Variants in IL1RL2 observed in about 807,000 individuals in gnomAD.
IL1RL2 encodes the protein interleukin-1 receptor-like 2.
A neutral mutation model predicts 66.8 loss-of-function variants in IL1RL2; 68 were observed. That is an observed-to-expected ratio of 1.02 (90% CI 0.84 to 1.25). The LOEUF (loss-of-function observed/expected upper bound fraction) is 1.25, where lower values mean the gene tolerates loss of function less well. IL1RL2 is among the 50% of genes most tolerant of loss of function. IL1RL2 has a pLI of 0.00. For missense variants in IL1RL2, 729 were observed against 709.3 expected (o/e 1.03, Z -0.32); for synonymous variants, 305 against 264.6 (o/e 1.15, Z -1.48).
intron 11 of IL1RL2, 25 bp downstream of exon 11, chr2:102,235,302 T>C (rs764480656): frequency 2.4e-5 from 38 of 1,603,092 alleles, no homozygotes; most frequent in Non-Finnish European, 3.1e-5. Context: ...GGACACGAGG[T>C]TTGTCACGCA....
At chr2:102,205,333 CTTA>C in intron 5 of IL1RL2, among the ~76,000 whole-genome samples, 1 of 152,226 alleles carries the variant, frequency 6.6e-6, no homozygotes, top group South Asian at 2.1e-4. Context: ...TTTCTGTGTA[CTTA>C]TTATAACCAG....
At chr2:102,223,539 A>T (rs1407599506) in intron 8 of IL1RL2, among the ~76,000 whole-genome samples, 1 of 152,166 alleles carries the variant, frequency 6.6e-6, no homozygotes, top group Non-Finnish European at 1.5e-5. Flanking sequence ...CAAAACCCTG[A>T]GTCCCTCTGA....
At chr2:102,220,077 A>T in intron 8 of IL1RL2, 60 bp downstream of exon 8, 9 of 1,462,800 alleles carry the variant, frequency 6.2e-6, no homozygotes, top group Non-Finnish European at 8.4e-6. Flanking sequence ...CAGGAAACAC[A>T]TCTGAAGGAG....
intron 4 of IL1RL2, 93 bp downstream of exon 4, chr2:102,192,213 G>C: frequency 1.2e-6 from 1 of 825,020 alleles, no homozygotes; most frequent in Non-Finnish European, 1.9e-6. Flanking sequence ...AGGCAGAATT[G>C]GTAAAGAAAG....
At chr2:102,224,934 C>T (rs1282826857) in intron 8 of IL1RL2, among the ~76,000 whole-genome samples, 1 of 152,206 alleles carries the variant, frequency 6.6e-6, no homozygotes, top group Non-Finnish European at 1.5e-5. Context: ...CTCCCCTCCT[C>T]TGCCCACCCC....
chr2:102,239,110 G>A (rs539477414), intron 11 of IL1RL2, 82 bp from the exon 12 acceptor site: 24 of 1,265,600 alleles, frequency 1.9e-5, no homozygotes, highest in Middle Eastern at 3.7e-4. Context: ...GGAGGTTTTC[G>A]CATTCCCATG....
chr2:102,220,309 C>T (rs35100598), intron 8 of IL1RL2, among the ~76,000 whole-genome samples: 2,227 of 152,158 alleles, frequency 0.015, 65 homozygotes, highest in African/African-American at 0.05. Flanking sequence ...AGCGTGATTG[C>T]CAAATGTTTT....
intron 6 of IL1RL2, among the ~76,000 whole-genome samples, chr2:102,215,252 G>A (rs1689506185): frequency 1.3e-5 from 2 of 152,138 alleles, no homozygotes; most frequent in African/African-American, 4.8e-5. Flanking sequence ...TATGACCCAT[G>A]CTGCTACATC....
At chr2:102,195,287 T>C (rs2104726987) in intron 4 of IL1RL2, among the ~76,000 whole-genome samples, 1 of 152,340 alleles carries the variant, frequency 6.6e-6, no homozygotes, top group East Asian at 1.9e-4. Context: ...TGATTAGTAC[T>C]TTCTGTGACT....
intron 4 of IL1RL2, among the ~76,000 whole-genome samples, chr2:102,201,156 C>T (rs1391296122): frequency 6.6e-6 from 1 of 152,060 alleles, no homozygotes; most frequent in Non-Finnish European, 1.5e-5. Context: ...TGTTCATGTC[C>T]TCCTGCAAAA....
At chr2:102,208,196 A>G (rs1277812859) in intron 5 of IL1RL2, among the ~76,000 whole-genome samples, 1 of 152,170 alleles carries the variant, frequency 6.6e-6, no homozygotes. Flanking sequence ...ACCAGATACT[A>G]TGAGTGATTT....
intron 5 of IL1RL2, among the ~76,000 whole-genome samples, chr2:102,208,440 T>A (rs990313578): frequency 6.6e-6 from 1 of 152,264 alleles, no homozygotes; most frequent in African/African-American, 2.4e-5. Context: ...CATTGGTTTT[T>A]CCAAACACAC....
intron 9 of IL1RL2, among the ~76,000 whole-genome samples, chr2:102,230,334 G>A (rs1301263658): frequency 6.6e-6 from 1 of 152,198 alleles, no homozygotes; most frequent in Non-Finnish European, 1.5e-5. Context: ...ACACAGAAAA[G>A]TATCCACTTA....
rs34468410 is a variant in IL1RL2, at chr2:102,202,277, C to T, written c.649+562C>T. On this transcript the variant is annotated intron_variant, in intron 5 of 11. Coordinates refer to ENST00000264257, the MANE Select transcript of IL1RL2 (RefSeq NM_003854.4). ...AGAAGAAACCCTAAAAGTAAATTAG[C>T]TCAAGCCACTAATTTAATTTAATTT... Among the ~76,000 whole-genome samples, 406 of 152,022 alleles carry T rather than the reference C, an allele frequency of 2.7e-3. 1 individual carries two copies. The highest frequency in any genetic ancestry group is 9.1e-3 in the African/African-American group (377 of 41,466).
chr2:102,192,355 T>C (rs947894149), intron 4 of IL1RL2, among the ~76,000 whole-genome samples: 4 of 152,204 alleles, frequency 2.6e-5, no homozygotes, highest in African/African-American at 9.6e-5. Context: ...CTTCCTCCAG[T>C]TATTCTTATT....
chr2:102,217,681 A>C (rs1303515176), intron 6 of IL1RL2, among the ~76,000 whole-genome samples: 2 of 152,208 alleles, frequency 1.3e-5, no homozygotes, highest in African/African-American at 4.8e-5. Context: ...CACATTAAAC[A>C]AGTAACAGTC....
At chr2:102,216,472 T>C (rs187611523) in intron 6 of IL1RL2, among the ~76,000 whole-genome samples, 13 of 152,308 alleles carry the variant, frequency 8.5e-5, no homozygotes, top group African/African-American at 2.4e-4. Flanking sequence ...AGTGAGTAAG[T>C]GAGTCTCTTT....
chr2:102,216,411 C>A (rs568544879), intron 6 of IL1RL2, among the ~76,000 whole-genome samples: 2 of 152,148 alleles, frequency 1.3e-5, no homozygotes, highest in Admixed American at 6.5e-5. Flanking sequence ...ATCTTTTTTT[C>A]ATCTCTTCAC....
At chr2:102,221,760 G>A (rs1195403570) in intron 8 of IL1RL2, among the ~76,000 whole-genome samples, 2 of 152,172 alleles carry the variant, frequency 1.3e-5, no homozygotes, top group African/African-American at 4.8e-5. Flanking sequence ...CTGTGCCCAT[G>A]TCTCCTCATC....
Sources: gnomAD v4.1 joint callset for allele counts (sites outside exome capture counted in the v4.1 genomes callset) on GRCh38, gnomAD v4.1.1 for gene constraint, MANE v1.5 for transcripts, NCBI Gene and HGNC (gene_info 2026-07-23, HGNC 2026-07-21) for gene names.